EBLN1: variants seen among roughly 807,000 people sequenced by gnomAD.
EBLN1 encodes the protein endogenous Bornavirus like nucleoprotein 1.
EBLN1 carries 1 observed loss-of-function variant against 0.8 expected under a neutral mutation model. The ratio of observed to expected loss-of-function variants is 1.32; its 90% confidence interval spans 0.47 to 6.26. The LOEUF (loss-of-function observed/expected upper bound fraction) is 6.26, where lower values mean the gene tolerates loss of function less well. Ranked by LOEUF, EBLN1 falls within the 30% of genes most tolerant of loss-of-function variation. The pLI, the probability that EBLN1 is intolerant of heterozygous loss-of-function variation, is 0.15. For synonymous variants in EBLN1, 158 were observed against 158.5 expected (o/e 1.00, Z 0.02); for missense variants, 396 against 447.9 (o/e 0.88, Z 1.05).
chr10:22,212,765 T>C (rs1454172670), intron 2 of EBLN1, among the ~76,000 whole-genome samples, 77 bp downstream of exon 2: 1 of 150,688 alleles, frequency 6.6e-6, no homozygotes, highest in Non-Finnish European at 1.5e-5. Flanking sequence ...GCCTGGGCAA[T>C]ACAGCAGGAC....
intron 2 of EBLN1, among the ~76,000 whole-genome samples, chr10:22,210,475 G>A (rs140512664): frequency 5.7e-4 from 86 of 152,200 alleles, no homozygotes; most frequent in Non-Finnish European, 8.8e-4. Flanking sequence ...CAATTCTTAC[G>A]CAATATCTTT....
At chr10:22,215,306 T>C (rs926173701) in intron 1 of EBLN1, among the ~76,000 whole-genome samples, 10 of 152,204 alleles carry the variant, frequency 6.6e-5, no homozygotes, top group Non-Finnish European at 8.8e-5. Context: ...GTGTGAGTTA[T>C]ATCAATACAC....
intron 1 of EBLN1, among the ~76,000 whole-genome samples, chr10:22,217,709 AC>A: frequency 6.6e-6 from 1 of 152,390 alleles, no homozygotes; most frequent in Non-Finnish European, 1.5e-5. Context: ...CGTAAAATTA[AC>A]TTTGGAAAAA....
chr10:22,215,809 T>C (rs934511010), intron 1 of EBLN1, among the ~76,000 whole-genome samples: 3 of 152,136 alleles, frequency 2.0e-5, no homozygotes, highest in Non-Finnish European at 4.4e-5. Context: ...ATCTTAAATG[T>C]TTGGTGATAG....
chr10:22,208,645 T>C lies in EBLN1; in HGVS notation c.*238A>G, dbSNP rs975547170. On this transcript the variant is annotated 3_prime_UTR_variant, in exon 3 of 3. Transcript: ENST00000422359. ...ATTTCAATTATTTCAAAATTCTACATGTCAAAGCATATTTTTGGCCTCCAG... is the reference window on the plus strand; with the variant it reads ...ATTTCAATTATTTCAAAATTCTACACGTCAAAGCATATTTTTGGCCTCCAG... Among the ~76,000 whole-genome samples, 4 of 152,210 alleles carry C rather than the reference T, an allele frequency of 2.6e-5. No individual in the cohort carries two copies. Among genetic ancestry groups the C allele is most frequent in the African/African-American group, 9.6e-5 (4 of 41,452 alleles).
In EBLN1 at chr10:22,208,752, G is replaced by C. The variant is rs1834715472; in HGVS notation, c.*131C>G. On this transcript the variant is annotated 3_prime_UTR_variant, in exon 3 of 3. Coordinates refer to ENST00000422359, the MANE Select transcript of EBLN1 (RefSeq NM_001394757.1). ...CTCTTTTAAAGAATAAAAGATTATAGAGAAGTTGCGATAGATGTCAGAGAC... is the reference window on the plus strand; with the variant it reads ...CTCTTTTAAAGAATAAAAGATTATACAGAAGTTGCGATAGATGTCAGAGAC... 1 of 938,174 alleles carries C rather than the reference G, an allele frequency of 1.1e-6. No individual in the cohort carries two copies. The highest frequency in any genetic ancestry group is 2.7e-5 in the East Asian group (1 of 37,270). The allele number at this position is 938,174 out of a possible 1,614,324, so 58.1% of individuals were successfully genotyped here.
Position 22,217,974 on chromosome 10 carries a change from C to T in EBLN1, c.-227G>A, listed in dbSNP as rs1206311917. ...ACAAGCATGGCTGAAGGAGGAGAAG[C>T]AAGCACCTTCCTCACAGGGCAGCAG... is the stretch of plus-strand genomic sequence containing the variant. On this transcript the variant is annotated 5_prime_UTR_variant, in exon 1 of 3. Transcript: ENST00000422359. 3 of 152,286 alleles carry T rather than the reference C, an allele frequency of 2.0e-5. No individual in the cohort carries two copies. The highest frequency in any genetic ancestry group is 7.2e-5 in the African/African-American group (3 of 41,448). 9.4% of individuals were successfully genotyped at this position (152,286 alleles called of 1,614,324 possible).
rs1834718271 is a variant in EBLN1 at position 22,208,971 on chromosome 10, G to A, written c.1013C>T (p.Ala338Val). ...STITFPVLQM[A>V]SAQKISRGSD... ...TCCTCTGGAGATTTTCTGAGCAGAT[G>A]CCATTTGAAGTACAGGGAATGTAAT... is the stretch of plus-strand genomic sequence containing the variant. Residue 338 changes from alanine (A) to valine (V), a missense_variant, in exon 3 of 3, where the codon GCA becomes GTA. Coordinates refer to ENST00000422359, the MANE Select transcript of EBLN1 (RefSeq NM_001394757.1). The A allele has an allele frequency of 3.9e-6, 6 of 1,535,674 alleles. No homozygotes were observed. The highest frequency in any genetic ancestry group is 5.2e-6 in the Non-Finnish European group (6 of 1,146,898).
At chr10:22,214,302 CTT>C (rs34128744) in intron 1 of EBLN1, among the ~76,000 whole-genome samples, 25 of 138,980 alleles carry the variant, frequency 1.8e-4, no homozygotes, top group Middle Eastern at 3.7e-3. Context: ...GTTTTACTTT[CTT>C]TTTTTTTTTT....
In EBLN1 at chr10:22,216,918, G is replaced by A. The variant is rs549688705; in HGVS notation, c.-169+998C>T. ...TGATTTTCCTTAAGACTATTTTATCGAGATCAAAAACTAAGTAAGTACACT... is the reference window on the plus strand; with the variant it reads ...TGATTTTCCTTAAGACTATTTTATCAAGATCAAAAACTAAGTAAGTACACT... On this transcript the variant is annotated intron_variant, in intron 1 of 2. Coordinates refer to ENST00000422359, the MANE Select transcript of EBLN1 (RefSeq NM_001394757.1). 7.4e-4 allele frequency among the ~76,000 whole-genome samples: 112 copies of A among 151,894 alleles called. 1 individual carries two copies. Among genetic ancestry groups the A allele is most frequent in the African/African-American group, 2.6e-3 (107 of 41,442 alleles).
chr10:22,213,686 G>C (rs574527333), intron 1 of EBLN1, among the ~76,000 whole-genome samples: 1 of 152,272 alleles, frequency 6.6e-6, no homozygotes, highest in East Asian at 1.9e-4. Flanking sequence ...TATAACCAGG[G>C]AGATATACCA....
At position 22,209,539 on chromosome 10, in the gene EBLN1, C is replaced by A. The variant is rs838759; in HGVS notation, c.445G>T (p.Gly149Ter). 3.2e-6 allele frequency: 5 copies of A among 1,560,084 alleles called. No individual in the cohort carries two copies. The East Asian group carries it at 1.2e-4, about 36-fold the overall frequency. ...HCCDLIGIAA[G>*]SSDPICTNSL... ...TTGGTGCATATCGGGTCACTCGATC[C>A]GGCAGCAATGCCTATCAGATCACAG... Residue 149 changes from glycine to a stop codon, truncating the protein, a stop_gained, in exon 3 of 3, where the codon GGA becomes TGA. Transcript: ENST00000422359. LOFTEE classifies it low-confidence loss of function (END_TRUNC).
In EBLN1 at chr10:22,212,504, A is replaced by C. The variant is rs1564323766; in HGVS notation, c.-45+338T>G. Among the ~76,000 whole-genome samples, 3 of 152,252 alleles carry C rather than the reference A, an allele frequency of 2.0e-5. No homozygotes were observed. The South Asian group carries it at 6.2e-4, about 32-fold the overall frequency. On this transcript the variant is annotated intron_variant, in intron 2 of 2. Coordinates refer to ENST00000422359, the MANE Select transcript of EBLN1 (RefSeq NM_001394757.1). Reference sequence around the variant, plus strand: ...ACTCTTTAAACCTAGTTATTAACTTATGTTCAGGACTATTTCATTAGGAAG... The same window carrying C: ...ACTCTTTAAACCTAGTTATTAACTTCTGTTCAGGACTATTTCATTAGGAAG...
chr10:22,208,695 C>T lies in EBLN1; in HGVS notation c.*188G>A. 3.2e-6 allele frequency: 2 copies of T among 619,116 alleles called. No individual in the cohort carries two copies. Among genetic ancestry groups the T allele is most frequent in the Non-Finnish European group, 4.9e-6 (2 of 410,044 alleles). 38.4% of individuals were successfully genotyped at this position (619,116 alleles called of 1,614,324 possible). A position where few individuals can be genotyped will look rare whatever the true frequency, so the allele number is the denominator to read the frequency against. On this transcript the variant is annotated 3_prime_UTR_variant, in exon 3 of 3. Transcript: ENST00000422359. ...GTACTTAAAAAGACTTTGGAGATCA[C>T]ATCTTTCAGTGGCCAGAGAATATTG...
intron 1 of EBLN1, among the ~76,000 whole-genome samples, chr10:22,216,066 C>T (rs1199112104): frequency 6.6e-6 from 1 of 151,950 alleles, no homozygotes. Context: ...ACAGTAACAA[C>T]AATGTAAAGC....
In EBLN1 at chr10:22,209,159, A is replaced by C. The variant is rs760180115; in HGVS notation, c.825T>G (p.Leu275=). The part of the protein sequence containing the change: ...EQKKPLAKKV[L]GDFFEFGGVL... ...CACCCCCAAATTCAAAGAAATCTCC[A>C]AGTACCTTTTTAGCCAGTGGTTTCT... The change falls in exon 3 of 3, where the codon CTT becomes CTG. Residue 275 remains leucine, a synonymous_variant. Coordinates refer to ENST00000422359, the MANE Select transcript of EBLN1 (RefSeq NM_001394757.1). 1 of 1,535,862 alleles carries C rather than the reference A, an allele frequency of 6.5e-7. No individual in the cohort carries two copies. Among genetic ancestry groups the C allele is most frequent in the Non-Finnish European group, 8.7e-7 (1 of 1,146,936 alleles).
intron 2 of EBLN1, among the ~76,000 whole-genome samples, chr10:22,211,171 A>C (rs1404657620): frequency 6.6e-6 from 1 of 152,170 alleles, no homozygotes; most frequent in Non-Finnish European, 1.5e-5. Flanking sequence ...AAAGGTTATT[A>C]TGTTTTGTCA....
intron 1 of EBLN1, among the ~76,000 whole-genome samples, chr10:22,213,449 G>A (rs150253177): frequency 1.7e-3 from 258 of 152,186 alleles, no homozygotes; most frequent in African/African-American, 5.9e-3. Flanking sequence ...GAAGCCAACT[G>A]CCTAGAAAAT....
At chr10:22,216,689 T>C (rs541720240) in intron 1 of EBLN1, among the ~76,000 whole-genome samples, 1 of 152,340 alleles carries the variant, frequency 6.6e-6, no homozygotes, top group Non-Finnish European at 1.5e-5. Context: ...ACATATACAA[T>C]GAAGACTGAG....
Sources: allele counts gnomAD v4.1 joint callset (sites outside exome capture counted in the v4.1 genomes callset), GRCh38; gene constraint gnomAD v4.1.1; transcripts MANE v1.5; gene names NCBI Gene and HGNC (gene_info 2026-07-23, HGNC 2026-07-21).